The following KRT24 variants were observed in gnomAD, a reference collection of about 807,000 sequenced individuals.
The protein encoded by KRT24 is keratin, type I cytoskeletal 24.
A neutral mutation model predicts 51.7 loss-of-function variants in KRT24; 44 were observed. The observed-to-expected ratio is 0.85, with a 90% CI of 0.67 to 1.09. The LOEUF is 1.09. Among genes scored for constraint, KRT24 ranks in the 50% least tolerant of loss-of-function variants. KRT24 has a pLI of 0.00. For missense variants in KRT24, 633 were observed against 647.0 expected (o/e 0.98, Z 0.24); for synonymous variants, 241 against 249.5 (o/e 0.97, Z 0.32).
rs937957449 is a variant in KRT24, at chr17:40,703,727, A to G, written c.-34T>C. ...TGCAAACATGAGCTTGTCCAGGCGA[A>G]TAGGAGAGGTGATGACGAAGAGTGT... On this transcript the variant is annotated 5_prime_UTR_variant, in exon 1 of 8. Coordinates refer to ENST00000264651, the MANE Select transcript of KRT24 (RefSeq NM_019016.3). The G allele has an allele frequency of 5.9e-6, 9 of 1,525,258 alleles. No individual in the cohort carries two copies. The Admixed American group carries it at 8.6e-5, about 15-fold the overall frequency. 94.5% of individuals were successfully genotyped at this position (1,525,258 alleles called of 1,614,324 possible). A position where few individuals can be genotyped will look rare whatever the true frequency, so the allele number is the denominator to read the frequency against.
In KRT24 at chr17:40,700,588, CT is replaced by C. The variant is rs35562924; in HGVS notation, c.856-206del. Among the ~76,000 whole-genome samples the C allele has an allele frequency of 8.2e-3, 1,237 of 151,570 alleles. 15 individuals carry two copies. Among genetic ancestry groups the C allele is most frequent in the African/African-American group, 0.027 (1,117 of 41,350 alleles). On this transcript the variant is annotated intron_variant, in intron 3 of 7. Coordinates refer to ENST00000264651, the MANE Select transcript of KRT24 (RefSeq NM_019016.3). Reference sequence around the variant, plus strand: ...TTAGATAAAAATGAGTTTATTTTACCTTTTTTTCTTTTTTTTTCTTTTTGAG... The same window carrying C: ...TTAGATAAAAATGAGTTTATTTTACCTTTTTTCTTTTTTTTTCTTTTTGAG...
rs1054417625 is a variant in KRT24, at chr17:40,703,353, C to T, written c.341G>A (p.Gly114Asp). The T allele has an allele frequency of 1.2e-6, 2 of 1,614,048 alleles. No homozygotes were observed. Among genetic ancestry groups the T allele is most frequent in the African/African-American group, 1.3e-5 (1 of 75,002 alleles). ...GFCGSSRFSSGATGGFYSYGG... is the reference protein window; with the variant it reads ...GFCGSSRFSSDATGGFYSYGG... Reference sequence around the variant, plus strand: ...ATAGCTGTAGAAGCCTCCAGTAGCACCACTGCTGAATCTAGAACTCCCACA... The same window carrying T: ...ATAGCTGTAGAAGCCTCCAGTAGCATCACTGCTGAATCTAGAACTCCCACA... Residue 114 changes from glycine (G) to aspartate (D), a missense_variant, in exon 1 of 8, where the codon GGT (glycine) becomes GAT (aspartate). Coordinates refer to ENST00000264651, the MANE Select transcript of KRT24 (RefSeq NM_019016.3).
At chr17:40,699,008 C>T (rs1015600853) in intron 6 of KRT24, among the ~76,000 whole-genome samples, 5 of 152,046 alleles carry the variant, frequency 3.3e-5, no homozygotes, top group African/African-American at 1.2e-4. Context: ...CCCTGAGTAG[C>T]TGGGACTACA....
In KRT24 at chr17:40,703,724, C is replaced by A. The variant is rs371890231; in HGVS notation, c.-31G>T. ...TCCTGCAAACATGAGCTTGTCCAGGCGAATAGGAGAGGTGATGACGAAGAG... is the reference window on the plus strand; with the variant it reads ...TCCTGCAAACATGAGCTTGTCCAGGAGAATAGGAGAGGTGATGACGAAGAG... On this transcript the variant is annotated 5_prime_UTR_variant, in exon 1 of 8. Transcript: ENST00000264651. 23 of 1,526,704 alleles carry A rather than the reference C, an allele frequency of 1.5e-5. No homozygotes were observed. In the South Asian group the frequency reaches 2.6e-4, roughly 17 times the overall value. The allele number at this position is 1,526,704 out of a possible 1,614,324, so 94.6% of individuals were successfully genotyped here.
rs375025364 is a variant in KRT24 at position 40,703,751 on chromosome 17, G to A, written c.-58C>T. The A allele has an allele frequency of 1.3e-6, 2 of 1,481,532 alleles. No homozygotes were observed. The highest frequency in any genetic ancestry group is 4.7e-5 in the East Asian group (2 of 42,794). 91.8% of individuals were successfully genotyped at this position (1,481,532 alleles called of 1,614,324 possible). A position where few individuals can be genotyped will look rare whatever the true frequency, so the allele number is the denominator to read the frequency against. On this transcript the variant is annotated 5_prime_UTR_variant, in exon 1 of 8. Transcript: ENST00000264651. Reference sequence around the variant, plus strand: ...AATAGGAGAGGTGATGACGAAGAGTGTATTCAAGGCTGCCTTTTTGGCCTT... The same window carrying A: ...AATAGGAGAGGTGATGACGAAGAGTATATTCAAGGCTGCCTTTTTGGCCTT...
chr17:40,700,752 G>A (rs568601107), intron 3 of KRT24, among the ~76,000 whole-genome samples: 10 of 152,026 alleles, frequency 6.6e-5, no homozygotes, highest in South Asian at 4.2e-4. Context: ...ACAGGTGTGC[G>A]CCATCATGCC....
Position 40,703,104 on chromosome 17 carries a change from G to A in KRT24, c.590C>T (p.Ser197Leu). 1 of 1,606,290 alleles carries A rather than the reference G, an allele frequency of 6.2e-7. No homozygotes were observed. Among genetic ancestry groups the A allele is most frequent in the Non-Finnish European group, 8.5e-7 (1 of 1,177,248 alleles). ...GSGRDYSKYYSIIEDLRNQII... is the reference protein window; with the variant it reads ...GSGRDYSKYYLIIEDLRNQII... Reference sequence around the variant, plus strand: ...CTGGTTTCTGAGATCTTCAATTATTGAATAGTATTTGCTATAATCTCTTCC... The same window carrying A: ...CTGGTTTCTGAGATCTTCAATTATTAAATAGTATTTGCTATAATCTCTTCC... The change falls in exon 1 of 8, where the codon TCA becomes TTA. Residue 197 changes from serine to leucine, a missense_variant. Transcript: ENST00000264651.
At chr17:40,701,723 G>GTATA (rs36205605) in intron 2 of KRT24, 128 bp downstream of exon 2, 36 of 38,320 alleles carry the variant, frequency 9.4e-4, no homozygotes, top group Non-Finnish European at 1.5e-3. Flanking sequence ...TGATCCTCTA[G>GTATA]TATATATATA....
rs752005669 is a variant in KRT24, at chr17:40,698,627, C to A, written c.1385G>T (p.Gly462Val). The A allele has an allele frequency of 1.2e-5, 19 of 1,601,664 alleles. No homozygotes were observed. The South Asian group carries it at 1.9e-4, about 16-fold the overall frequency. ...EGGGSSFAEF[G>V]GRNSGSVNMG... Reference sequence around the variant, plus strand: ...GTTTACAGATCCTGAGTTTCTACCACCAAATTCTGCAAAACTAGAACCACT... The same window carrying A: ...GTTTACAGATCCTGAGTTTCTACCAACAAATTCTGCAAAACTAGAACCACT... The change falls in exon 7 of 8, where the codon GGT (glycine) becomes GTT (valine). Residue 462 changes from glycine (G) to valine (V), a missense_variant. By Grantham distance (109) the Gly-to-Val change is moderately radical (BLOSUM62 -3). Coordinates refer to ENST00000264651, the MANE Select transcript of KRT24 (RefSeq NM_019016.3).
Position 40,700,135 on chromosome 17 carries a change from C to T in KRT24, c.1018-12G>A. The T allele has an allele frequency of 6.2e-7, 1 of 1,614,138 alleles. No homozygotes were observed. The highest frequency in any genetic ancestry group is 8.5e-7 in the Non-Finnish European group (1 of 1,180,016). On this transcript the variant is annotated splice_polypyrimidine_tract_variant and intron_variant, in intron 4 of 7. Coordinates refer to ENST00000264651, the MANE Select transcript of KRT24 (RefSeq NM_019016.3). ...TGTAGTGATGCGCTCTAAATACAAA[C>T]ATAATGCAGCTGTTGTAGGCTGATG...
chr17:40,703,024 T>C, intron 1 of KRT24, 55 bp downstream of exon 1: 1 of 1,508,870 alleles, frequency 6.6e-7, no homozygotes. Context: ...GTACATGATC[T>C]GAAAAGAAGT....
intron 2 of KRT24, 34 bp downstream of exon 2, chr17:40,701,817 G>T: frequency 3.7e-6 from 3 of 819,202 alleles, no homozygotes; most frequent in Non-Finnish European, 5.2e-6. Context: ...TTTTTCTCCC[G>T]TAACACTTGT....
intron 1 of KRT24, 44 bp from the exon 2 acceptor site, chr17:40,701,977 C>A: frequency 2.0e-6 from 2 of 1,024,382 alleles, no homozygotes; most frequent in South Asian, 1.5e-5. Context: ...ATGATTTTTA[C>A]CTTGTGTCTG....
rs2144069830 is a variant in KRT24, at chr17:40,698,665, A to G, written c.1362-15T>C. 2.3e-6 allele frequency: 3 copies of G among 1,329,292 alleles called. No individual in the cohort carries two copies. The highest frequency in any genetic ancestry group is 4.6e-5 in the East Asian group (2 of 43,580). 82.3% of individuals were successfully genotyped at this position (1,329,292 alleles called of 1,614,324 possible). On this transcript the variant is annotated splice_polypyrimidine_tract_variant and intron_variant, in intron 6 of 7. Coordinates refer to ENST00000264651, the MANE Select transcript of KRT24 (RefSeq NM_019016.3). Reference sequence around the variant, plus strand: ...AACTAGAACCACTGGAGAAAAAAAGAATTATGTTTTCCTTTGCAGTTTGCA... The same window carrying G: ...AACTAGAACCACTGGAGAAAAAAAGGATTATGTTTTCCTTTGCAGTTTGCA...
rs2037703359 is a variant in KRT24 at position 40,703,197 on chromosome 17, G to C, written c.497C>G (p.Thr166Ser). 1 of 1,614,178 alleles carries C rather than the reference G, an allele frequency of 6.2e-7. No individual in the cohort carries two copies. The highest frequency in any genetic ancestry group is 8.5e-7 in the Non-Finnish European group (1 of 1,180,026). The change falls in exon 1 of 8, where the codon ACT (threonine) becomes AGT (serine). Residue 166 changes from threonine (T) to serine (S), a missense_variant. Physicochemically the swap from Thr to Ser is moderately conservative, Grantham distance 58. Transcript: ENST00000264651. ...DKVRALEEANTDLENKIKEWY... is the reference protein window; with the variant it reads ...DKVRALEEANSDLENKIKEWY... Reference sequence around the variant, plus strand: ...CTCCTTGATTTTGTTCTCCAGATCAGTGTTAGCCTCCTCCAGGGCTCTGAC... The same window carrying C: ...CTCCTTGATTTTGTTCTCCAGATCACTGTTAGCCTCCTCCAGGGCTCTGAC...
chr17:40,701,926 G>T lies in KRT24; in HGVS notation c.623C>A (p.Ala208Asp). The stretch of plus-strand genomic sequence containing the variant: ...GATCCCAGCATTTTCAACAGTGGCA[G>T]CAATGATCTAAAAAAGATGTTAATA... ...IIEDLRNQII[A>D]ATVENAGIIL... The change falls in exon 2 of 8, where the codon GCT (alanine) becomes GAT (aspartate). Residue 208 changes from alanine (A) to aspartate (D), a missense_variant. Ala to Asp is a moderately radical substitution (Grantham distance 126). Coordinates refer to ENST00000264651, the MANE Select transcript of KRT24 (RefSeq NM_019016.3). 1 of 1,536,688 alleles carries T rather than the reference G, an allele frequency of 6.5e-7. No homozygotes were observed.
chr17:40,700,322 G>T lies in KRT24; in HGVS notation c.917C>A (p.Pro306Gln). Residue 306 changes from proline (P) to glutamine (Q), a missense_variant, in exon 4 of 8, where the codon CCA becomes CAA. Physicochemically the swap from Pro to Gln is moderately conservative, Grantham distance 76. Coordinates refer to ENST00000264651, the MANE Select transcript of KRT24 (RefSeq NM_019016.3). The stretch of plus-strand genomic sequence containing the variant: ...CAGTAATTTGGTCAGGTCGGTCCCT[G>T]GCGCAGCATTCATTTCTACGGTCAC... ...GEVTVEMNAA[P>Q]GTDLTKLLND... is the part of the protein sequence containing the mutation. 1.2e-6 allele frequency: 2 copies of T among 1,614,058 alleles called. No individual in the cohort carries two copies. Among genetic ancestry groups the T allele is most frequent in the Non-Finnish European group, 1.7e-6 (2 of 1,179,994 alleles).
intron 3 of KRT24, 89 bp from the exon 4 acceptor site, chr17:40,700,472 G>T: frequency 1.1e-6 from 1 of 950,894 alleles, no homozygotes; most frequent in Non-Finnish European, 1.5e-6. Flanking sequence ...TTTGAAAGTA[G>T]GACACTGAAA....
Position 40,700,028 on chromosome 17 carries a change from C to T in KRT24, c.1113G>A (p.Leu371=). Residue 371 remains leucine (L), a synonymous_variant, in exon 5 of 8, where the codon CTG becomes CTA. Transcript: ENST00000264651. ...CCAGTTGGGACTGAAGCTCAATTTC[C>T]AGGGCTTGCAGGGTACGTTTTAGTT... The part of the protein sequence containing the change: ...ITELKRTLQA[L]EIELQSQLAM... 1 of 1,614,178 alleles carries T rather than the reference C, an allele frequency of 6.2e-7. No individual in the cohort carries two copies. Among genetic ancestry groups the T allele is most frequent in the Non-Finnish European group, 8.5e-7 (1 of 1,180,036 alleles).
Sources: allele counts gnomAD v4.1 joint callset (sites outside exome capture counted in the v4.1 genomes callset), GRCh38; gene constraint gnomAD v4.1.1; transcripts MANE v1.5; gene names NCBI Gene and HGNC (gene_info 2026-07-23, HGNC 2026-07-21).